Variants in MLIP observed in about 807,000 individuals in gnomAD.
MLIP encodes the protein muscular LMNA-interacting protein.
In MLIP, 79 loss-of-function variants were observed where a neutral mutation model predicts 84.8. That is an observed-to-expected ratio of 0.93 (90% confidence interval 0.78 to 1.12). The LOEUF is 1.12. Among genes scored for constraint, MLIP ranks in the 50% most tolerant of loss-of-function variants. The pLI is 0.00. For missense variants in MLIP, 1,257 were observed against 1,160.6 expected, an observed-to-expected ratio of 1.08 and a Z score of -1.21; for synonymous variants, 504 against 463.0, an observed-to-expected ratio of 1.09 and a Z score of -1.14.
At chr6:54,244,638 C>A (rs370859434) in intron 12 of MLIP, among the ~76,000 whole-genome samples, 6 of 152,142 alleles carry the variant, frequency 3.9e-5, no homozygotes, top group African/African-American at 1.4e-4. Flanking sequence ...AGAATACATG[C>A]CTTAATGACA....
chr6:54,175,759 C>T (rs1163066364), intron 9 of MLIP, among the ~76,000 whole-genome samples: 1 of 151,680 alleles, frequency 6.6e-6, no homozygotes, highest in Non-Finnish European at 1.5e-5. Flanking sequence ...GTCTGACTTC[C>T]AGTTATGTAT....
rs74520247 is a variant in MLIP, at chr6:54,236,223, G to A, written c.2922+5306G>A. Among the ~76,000 whole-genome samples, 1,125 of 151,664 alleles carry A rather than the reference G, an allele frequency of 7.4e-3. 14 individuals are homozygous for A. Among genetic ancestry groups the A allele is most frequent in the African/African-American group, 0.026 (1,068 of 41,384 alleles). On this transcript the variant is annotated intron_variant, in intron 12 of 13. Coordinates refer to ENST00000502396, the MANE Select transcript of MLIP (RefSeq NM_001281747.2). ...GTCATTTGTGGACATTCACAGAACA[G>A]GGAGAAATTCGAATCCTCTATGTTC...
At chr6:54,092,331 AT>A (rs1767924813) in intron 1 of MLIP, among the ~76,000 whole-genome samples, 1 of 152,196 alleles carries the variant, frequency 6.6e-6, no homozygotes, top group Non-Finnish European at 1.5e-5. Flanking sequence ...GCAATAGCAT[AT>A]ACTGTATCCC....
At chr6:54,033,671 C>A (rs1317528528) in intron 1 of MLIP, among the ~76,000 whole-genome samples, 2 of 152,072 alleles carry the variant, frequency 1.3e-5, no homozygotes, top group Non-Finnish European at 2.9e-5. Context: ...TCACCTATAT[C>A]CCTCTCATGA....
In MLIP at chr6:54,033,328, G is replaced by T. The variant is rs140835564; in HGVS notation, c.63+14237G>T. On this transcript the variant is annotated intron_variant, in intron 1 of 12. Transcript: ENST00000274897. ...GTTGCCCAGGTTGGAGTGCAATGGC[G>T]CAGTCTCAGCTCACTGCAACCTCCG... Among the ~76,000 whole-genome samples, 595 of 150,824 alleles carry T rather than the reference G, an allele frequency of 3.9e-3. 7 individuals are homozygous for T. Among genetic ancestry groups the T allele is most frequent in the Non-Finnish European group, 6.2e-3 (417 of 67,794 alleles).
intron 10 of MLIP, among the ~76,000 whole-genome samples, chr6:54,193,613 G>A (rs1778094825): frequency 6.6e-6 from 1 of 152,106 alleles, no homozygotes; most frequent in African/African-American, 2.4e-5. Flanking sequence ...CTCACTGGAA[G>A]CATTACTTTC....
At chr6:54,248,929 AC>A (rs1033620796) in intron 12 of MLIP, among the ~76,000 whole-genome samples, 1 of 152,128 alleles carries the variant, frequency 6.6e-6, no homozygotes, top group African/African-American at 2.4e-5. Flanking sequence ...ATATATAATA[AC>A]CAAGGGAGTA....
In MLIP at chr6:54,138,162, C is replaced by G; in HGVS notation, c.2093C>G (p.Thr698Ser). 6.5e-7 allele frequency: 1 copy of G among 1,536,104 alleles called. No homozygotes were observed. Among genetic ancestry groups the G allele is most frequent in the Non-Finnish European group, 8.7e-7 (1 of 1,146,880 alleles). Residue 698 changes from threonine to serine, a missense_variant, in exon 4 of 14, where the codon ACC becomes AGC. By Grantham distance (58) the Thr-to-Ser change is moderately conservative. Transcript: ENST00000502396. ...LPSRLGKSES[T>S]TPNHRSPVST... ...TCAAGACTTGGGAAATCTGAAAGCACCACCCCCAACCACAGGTCACCTGTT... is the reference window on the plus strand; with the variant it reads ...TCAAGACTTGGGAAATCTGAAAGCAGCACCCCCAACCACAGGTCACCTGTT...
chr6:54,258,249 T>C (rs1396237589), intron 13 of MLIP, among the ~76,000 whole-genome samples: 1 of 152,064 alleles, frequency 6.6e-6, no homozygotes, highest in Non-Finnish European at 1.5e-5. Flanking sequence ...GTAAGAATAA[T>C]AAAATTCCAC....
chr6:54,166,082 A>G (rs1775151970), intron 8 of MLIP, among the ~76,000 whole-genome samples: 1 of 151,946 alleles, frequency 6.6e-6, no homozygotes, highest in Non-Finnish European at 1.5e-5. Flanking sequence ...AGTCAATAAT[A>G]TTTTGTTATA....
rs1474734461 is a variant in MLIP at position 54,184,679 on chromosome 6, TATTTA to T, written c.2545-5185_2545-5181del. ...TCTTTTAGTTTCTATATAACTTAAT[TATTTA>T]ATTTATTTTTTTGAAATAAATTTTT... On this transcript the variant is annotated intron_variant, in intron 9 of 13. Coordinates refer to ENST00000502396, the MANE Select transcript of MLIP (RefSeq NM_001281747.2). Among the ~76,000 whole-genome samples, 7 of 152,260 alleles carry T rather than the reference TATTTA, an allele frequency of 4.6e-5. No individual in the cohort carries two copies. The East Asian group carries it at 1.2e-3, about 25-fold the overall frequency.
chr6:54,101,522 T>C (rs1768647105), intron 1 of MLIP, among the ~76,000 whole-genome samples: 2 of 152,162 alleles, frequency 1.3e-5, no homozygotes, highest in Non-Finnish European at 2.9e-5. Flanking sequence ...TTATATAGGA[T>C]TATCCATGAA....
At chr6:54,265,727 A>G (rs1333814687) in intron 13 of MLIP, among the ~76,000 whole-genome samples, 2 of 152,066 alleles carry the variant, frequency 1.3e-5, no homozygotes, top group Admixed American at 1.3e-4. Flanking sequence ...AACTGCCAAG[A>G]GATTGGAGTC....
At chr6:54,106,496 G>A (rs1192618497), upstream of MLIP, among the ~76,000 whole-genome samples, 2 of 152,158 alleles carry the variant, frequency 1.3e-5, no homozygotes, top group Non-Finnish European at 2.9e-5. Flanking sequence ...GAAGACGATG[G>A]CAGGTTCCGC....
intron 1 of MLIP, among the ~76,000 whole-genome samples, chr6:54,098,036 G>A (rs1260918915): frequency 6.6e-6 from 1 of 152,066 alleles, no homozygotes; most frequent in Non-Finnish European, 1.5e-5. Context: ...CAGTTCTAAT[G>A]AGCACTGAAA....
chr6:54,177,136 A>C (rs1314330607), intron 9 of MLIP, among the ~76,000 whole-genome samples: 1 of 152,132 alleles, frequency 6.6e-6, no homozygotes, highest in East Asian at 1.9e-4. Flanking sequence ...CAGGACTGGC[A>C]CAGGCAAAGA....
At position 54,093,326 on chromosome 6, in the gene MLIP, T is replaced by TTC. The variant is rs1389251533; in HGVS notation, c.64-28120_64-28119insCT. On this transcript the variant is annotated intron_variant, in intron 1 of 12. Transcript: ENST00000274897. ...ATAGTGCTTATTAATATATTTTCGA[T>TTC]TAAATTCTATTCTATTCTATTCTAT... 2.0e-4 allele frequency among the ~76,000 whole-genome samples: 30 copies of TTC among 149,478 alleles called. No homozygotes were observed. The South Asian group carries it at 3.4e-3, about 17-fold the overall frequency.
intron 9 of MLIP, among the ~76,000 whole-genome samples, chr6:54,175,135 G>A (rs543349251): frequency 2.0e-5 from 3 of 152,044 alleles, no homozygotes; most frequent in East Asian, 3.9e-4. Flanking sequence ...GTACCATGTT[G>A]TTTTGGTTAC....
rs1183145857 is a variant in MLIP at position 54,237,233 on chromosome 6, G to A, written c.2922+6316G>A. The stretch of plus-strand genomic sequence containing the variant: ...GGAACTGGAGCTTCATATGGCTGGG[G>A]AACTCTGGGAGCTGCTGTAGGGACA... On this transcript the variant is annotated intron_variant, in intron 12 of 13. Coordinates refer to ENST00000502396, the MANE Select transcript of MLIP (RefSeq NM_001281747.2). 4.0e-5 allele frequency among the ~76,000 whole-genome samples: 6 copies of A among 151,756 alleles called. No homozygotes were observed. In the East Asian group the frequency reaches 9.9e-4, roughly 25 times the overall value.
Sources: gnomAD v4.1 joint callset for allele counts (sites outside exome capture counted in the v4.1 genomes callset) on GRCh38, gnomAD v4.1.1 for gene constraint, MANE v1.5 for transcripts, NCBI Gene and HGNC (gene_info 2026-07-23, HGNC 2026-07-21) for gene names.